The following PPOX variants were observed in gnomAD, a reference collection of about 807,000 sequenced individuals.
PPOX encodes protoporphyrinogen oxidase.
In PPOX, 23 loss-of-function variants were observed where a neutral mutation model predicts 54.1. The observed-to-expected ratio is 0.43, with a 90% CI of 0.31 to 0.60. The LOEUF is 0.60. PPOX is among the 20% of genes least tolerant of loss of function. The pLI is 0.13. For missense variants in PPOX, 512 were observed against 601.1 expected, an observed-to-expected ratio of 0.85 and a Z score of 1.55; for synonymous variants, 224 against 236.1, an observed-to-expected ratio of 0.95 and a Z score of 0.47.
intron 2 of PPOX, 81 bp from the exon 3 acceptor site, chr1:161,167,019 A>C: frequency 6.2e-7 from 1 of 1,612,406 alleles, no homozygotes. Flanking sequence ...TGGCCCTCTG[A>C]ATATGCCTCT....
In PPOX at chr1:161,168,586, G is replaced by A; in HGVS notation, c.616+10G>A. On this transcript the variant is annotated intron_variant, in intron 6 of 12. Coordinates refer to ENST00000367999, the MANE Select transcript of PPOX (RefSeq NM_001122764.3). ...CTGCTGCTGGGGGCAGGTGAGGGGGGATTGATTCAGAGGGTGAAAATATTA... is the reference window on the plus strand; with the variant it reads ...CTGCTGCTGGGGGCAGGTGAGGGGGAATTGATTCAGAGGGTGAAAATATTA... 6.2e-7 allele frequency: 1 copy of A among 1,613,694 alleles called. No individual in the cohort carries two copies. The highest frequency in any genetic ancestry group is 8.5e-7 in the Non-Finnish European group (1 of 1,179,830).
downstream of PPOX, chr1:161,173,916 A>ACATACAGAT (rs918014408): frequency 1.2e-6 from 2 of 1,614,176 alleles, no homozygotes; most frequent in African/African-American, 2.7e-5. Flanking sequence ...GGGGTCACAC[A>ACATACAGAT]CATACAGATT....
downstream of PPOX, chr1:161,175,144 C>A: frequency 1.2e-6 from 2 of 1,613,980 alleles, no homozygotes; most frequent in Non-Finnish European, 1.7e-6. Context: ...AGGGCGGTAC[C>A]GGCCCCCTGG....
Position 161,171,184 on chromosome 1 carries a change from C to T in PPOX, c.*8C>T, listed in dbSNP as rs754671107. 1.1e-4 allele frequency: 176 copies of T among 1,613,038 alleles called. No homozygotes were observed. The highest frequency in any genetic ancestry group is 1.4e-4 in the Non-Finnish European group (171 of 1,180,058). The stretch of plus-strand genomic sequence containing the variant: ...ACAGAACCTAACAGCTGATCCCCAA[C>T]TCTCATTCATGAAAATAAAAATTGC... On this transcript the variant is annotated 3_prime_UTR_variant, in exon 13 of 13. Transcript: ENST00000367999.
At chr1:161,177,389 G>A, downstream of PPOX, 1 of 298,968 alleles carries the variant, frequency 3.3e-6, no homozygotes, top group Non-Finnish European at 6.5e-6. Context: ...CTTTATCCCA[G>A]GCCTCCGTGT....
chr1:161,170,460 G>C lies in PPOX; in HGVS notation c.1039G>C (p.Val347Leu). The change falls in exon 10 of 13, where the codon GTG becomes CTG. Residue 347 changes from valine (V) to leucine (L), a missense_variant. Transcript: ENST00000367999. ...AGAAGATCCAGGAGTCCTGGGAATCGTGTATGACTCAGTTGCTTTCCCTGA... is the reference window on the plus strand; with the variant it reads ...AGAAGATCCAGGAGTCCTGGGAATCCTGTATGACTCAGTTGCTTTCCCTGA... ...SSEDPGVLGI[V>L]YDSVAFPEQD... 6.2e-7 allele frequency: 1 copy of C among 1,614,192 alleles called. No homozygotes were observed. The highest frequency in any genetic ancestry group is 1.1e-5 in the South Asian group (1 of 91,090).
chr1:161,166,693 G>T, intron 1 of PPOX, 21 bp downstream of exon 1: 3 of 1,521,970 alleles, frequency 2.0e-6, no homozygotes, highest in East Asian at 2.5e-5. Context: ...GCCCCTGGAC[G>T]GGGACCTCGC....
Position 161,170,701 on chromosome 1 carries a change from C to T in PPOX, c.1180C>T (p.Gln394Ter). 6.2e-7 allele frequency: 1 copy of T among 1,614,072 alleles called. No individual in the cohort carries two copies. Among genetic ancestry groups the T allele is most frequent in the Non-Finnish European group, 8.5e-7 (1 of 1,180,012 alleles). The change falls in exon 11 of 13, where the codon CAG (glutamine) becomes TAG (stop). Residue 394 changes from glutamine to a stop codon, truncating the protein, a stop_gained. Transcript: ENST00000367999. LOFTEE classifies it high-confidence loss of function. ...TCAGGAGCTGTTTCAACAGCGGGCC[C>T]AGGAAGCAGCTGCTACACAATTAGG... ...LSQELFQQRAQEAAATQLGLK... is the reference protein window; with the variant it reads ...LSQELFQQRA
At chr1:161,165,945 G>A (rs746263463), upstream of PPOX, 7 of 225,890 alleles carry the variant, frequency 3.1e-5, no homozygotes, top group Non-Finnish European at 5.2e-5. Flanking sequence ...GCTGCGTGCA[G>A]GCTCTGGGGC....
Position 161,170,787 on chromosome 1 carries a change from T to C in PPOX, c.1248+18T>C. On this transcript the variant is annotated intron_variant, in intron 11 of 12. Transcript: ENST00000367999. ...TACACAAGGTAAGTTGGGATAAACT[T>C]CCCTCAGCTCTCCACTGAAGGCCTT... 6.2e-7 allele frequency: 1 copy of C among 1,614,042 alleles called. No homozygotes were observed. Among genetic ancestry groups the C allele is most frequent in the Non-Finnish European group, 8.5e-7 (1 of 1,179,998 alleles).
intron 2 of PPOX, 24 bp downstream of exon 2, chr1:161,166,958 G>A (rs770891009): frequency 1.9e-6 from 3 of 1,612,594 alleles, no homozygotes; most frequent in Non-Finnish European, 2.5e-6. Context: ...TTGTGCCAGA[G>A]GGAGCTTCAT....
At chr1:161,175,788 C>T, downstream of PPOX, 3 of 1,609,104 alleles carry the variant, frequency 1.9e-6, no homozygotes, top group Non-Finnish European at 2.6e-6. Context: ...CTTTCACCAC[C>T]TCCTTCCTCC....
chr1:161,171,576 T>TAA (rs1661443682), downstream of PPOX: 1 of 617,332 alleles, frequency 1.6e-6, no homozygotes, highest in African/African-American at 1.8e-5. Context: ...AATCGTCACA[T>TAA]AAAATCATGA....
chr1:161,175,930 G>T (rs367870203), downstream of PPOX: 5 of 1,614,112 alleles, frequency 3.1e-6, no homozygotes, highest in South Asian at 4.4e-5. Flanking sequence ...GTCAAATGTC[G>T]GTCCCTGATC....
intron 1 of PPOX, 84 bp downstream of exon 1, chr1:161,166,756 C>T: frequency 6.3e-7 from 1 of 1,584,860 alleles, no homozygotes; most frequent in Non-Finnish European, 8.5e-7. Context: ...CAGTGAGTGG[C>T]CGGGATAGAA....
chr1:161,171,348 C>T, downstream of PPOX: 1 of 1,149,996 alleles, frequency 8.7e-7, no homozygotes, highest in Middle Eastern at 2.8e-4. Flanking sequence ...ATATCAAAAT[C>T]CCAGCCCCCT....
intron 4 of PPOX, chr1:161,176,658 A>C: frequency 1.7e-6 from 1 of 592,648 alleles, no homozygotes; most frequent in South Asian, 2.1e-5. Flanking sequence ...GTTTCCCAGC[A>C]GGCGAAGTGA....
At chr1:161,170,319 T>TGGGGGGGGGGGG in intron 9 of PPOX, 90 bp from the exon 10 acceptor site, 4 of 514,788 alleles carry the variant, frequency 7.8e-6, no homozygotes, top group African/African-American at 2.0e-5. Flanking sequence ...AGTGAGACTC[T>TGGGGGGGGGGGG]GTCCCCCCCA....
chr1:161,176,344 A>C (rs1379995951), intron 4 of PPOX: 4 of 532,404 alleles, frequency 7.5e-6, no homozygotes, highest in Non-Finnish European at 1.3e-5. Flanking sequence ...CACCCCCAAA[A>C]ATGTTTACAT....
Sources: gnomAD v4.1 joint callset for allele counts on GRCh38, gnomAD v4.1.1 for gene constraint, MANE v1.5 for transcripts, NCBI Gene and HGNC (gene_info 2026-07-23, HGNC 2026-07-21) for gene names.